Variants in MROH2A observed in about 807,000 individuals in gnomAD.
MROH2A encodes the protein maestro heat-like repeat-containing protein family member 2A.
In MROH2A, 174 loss-of-function variants were observed where a neutral mutation model predicts 200.4. That is an observed-to-expected ratio of 0.87 (90% CI 0.77 to 0.98). The LOEUF (loss-of-function observed/expected upper bound fraction) is 0.98, where lower values mean the gene tolerates loss of function less well. MROH2A is among the 50% of genes least tolerant of loss of function. The probability of loss-of-function intolerance (pLI) is 0.00; values close to 1 mark genes in which losing one functional copy is unlikely to be tolerated. For synonymous variants in MROH2A, 829 were observed against 840.4 expected, an observed-to-expected ratio of 0.99 and a Z score of 0.23; for missense variants, 2,045 against 2,139.6, an observed-to-expected ratio of 0.96 and a Z score of 0.87.
rs755468055 is a variant in MROH2A at position 233,811,982 on chromosome 2, C to T, written c.2651+23C>T. The T allele has an allele frequency of 5.1e-5, 77 of 1,500,012 alleles. 1 individual carries two copies. The South Asian group carries it at 8.6e-4, about 17-fold the overall frequency. The allele number at this position is 1,500,012 out of a possible 1,614,324, so 92.9% of individuals were successfully genotyped here. A position where few individuals can be genotyped will look rare whatever the true frequency, so the allele number is the denominator to read the frequency against. On this transcript the variant is annotated intron_variant, in intron 24 of 41. Transcript: ENST00000389758. ...GAGGTGAGCTGGGTTCCCACCCTCA[C>T]CCCATCCCAAGGGGTAGGGAAAAGT...
intron 3 of MROH2A, among the ~76,000 whole-genome samples, chr2:233,787,304 C>T (rs1701251186): frequency 6.6e-6 from 1 of 151,162 alleles, no homozygotes. Context: ...AAATCTAGAG[C>T]TTGCATTCTC....
intron 31 of MROH2A, among the ~76,000 whole-genome samples, chr2:233,821,379 T>TGCCCCCAG (rs71398802): frequency 0.24 from 36,882 of 151,794 alleles, 4,552 homozygotes; most frequent in Middle Eastern, 0.32. Context: ...CATTTACTCC[T>TGCCCCCAG]GCCCCCAGGC....
At chr2:233,809,544 T>G (rs540523107) in intron 22 of MROH2A, among the ~76,000 whole-genome samples, 1 of 152,218 alleles carries the variant, frequency 6.6e-6, no homozygotes, top group African/African-American at 2.4e-5. Flanking sequence ...GCCCCACCTC[T>G]TCCCAGCCTT....
chr2:233,832,164 T>A lies in MROH2A; in HGVS notation c.4735-13T>A. The A allele has an allele frequency of 1.3e-6, 2 of 1,548,278 alleles. No homozygotes were observed. Among genetic ancestry groups the A allele is most frequent in the Non-Finnish European group, 1.7e-6 (2 of 1,144,984 alleles). On this transcript the variant is annotated splice_polypyrimidine_tract_variant and intron_variant, in intron 39 of 41. Transcript: ENST00000389758. ...CATCCTCCAAAGCTGTGTGTATCAC[T>A]TACTTTTTGCAGACTCGGAAAAAGC...
chr2:233,776,738 G>T (rs1193268191), upstream of MROH2A, among the ~76,000 whole-genome samples: 1 of 151,984 alleles, frequency 6.6e-6, no homozygotes, highest in Non-Finnish European at 1.5e-5. Flanking sequence ...CACTCCTCCT[G>T]ATTGCCATAT....
At chr2:233,832,405 T>C (rs1574629294) in intron 40 of MROH2A, 126 bp downstream of exon 40, 1 of 975,564 alleles carries the variant, frequency 1.0e-6, no homozygotes, top group Non-Finnish European at 1.6e-6. Context: ...AGCTCAGGTC[T>C]AAGCCCTGCA....
At chr2:233,787,648 C>T (rs1319192350) in intron 3 of MROH2A, among the ~76,000 whole-genome samples, 3 of 31,020 alleles carry the variant, frequency 9.7e-5, no homozygotes, top group South Asian at 1.3e-3. Flanking sequence ...TTATATATAT[C>T]ATATATACAT....
In MROH2A at chr2:233,832,387, G is replaced by A. The variant is rs1208883874; in HGVS notation, c.4837+108G>A. 11 of 1,044,752 alleles carry A rather than the reference G, an allele frequency of 1.1e-5. No homozygotes were observed. The Admixed American group carries it at 1.2e-4, about 12-fold the overall frequency. 64.7% of individuals were successfully genotyped at this position (1,044,752 alleles called of 1,614,324 possible). ...ATGAGTGGGAGGCATGTGGCAAGCT[G>A]AGACCAGAGCTCAGGTCTAAGCCCT... On this transcript the variant is annotated intron_variant, in intron 40 of 41. Coordinates refer to ENST00000389758, the MANE Select transcript of MROH2A (RefSeq NM_001394639.1).
intron 3 of MROH2A, among the ~76,000 whole-genome samples, chr2:233,785,775 G>A (rs1023775313): frequency 2.0e-5 from 3 of 152,140 alleles, no homozygotes; most frequent in Non-Finnish European, 2.9e-5. Context: ...CAGAGTGTGA[G>A]AGCCCAATAA....
At chr2:233,804,927 G>A (rs1166898549) in intron 18 of MROH2A, 77 bp from the exon 19 acceptor site, 2 of 787,786 alleles carry the variant, frequency 2.5e-6, no homozygotes, top group Non-Finnish European at 4.2e-6. Context: ...TCAAGGTCCC[G>A]TAGCATTCCC....
At position 233,818,857 on chromosome 2, in the gene MROH2A, C is replaced by T. The variant is rs907352574; in HGVS notation, c.3204+87C>T. The T allele has an allele frequency of 7.0e-5, 56 of 803,922 alleles. No individual in the cohort carries two copies. In the African/African-American group the frequency reaches 9.3e-4, roughly 13 times the overall value. The allele number at this position is 803,922 out of a possible 1,614,324, so 49.8% of individuals were successfully genotyped here. A position where few individuals can be genotyped will look rare whatever the true frequency, so the allele number is the denominator to read the frequency against. On this transcript the variant is annotated intron_variant, in intron 29 of 41. Transcript: ENST00000389758. ...AGGGAGGGAGGCCTTCCTGGGCTGG[C>T]CTCACAGCCCAAGTTTTCTGGGGTC...
At chr2:233,781,267 G>A (rs1700943457) in intron 3 of MROH2A, among the ~76,000 whole-genome samples, 1 of 152,140 alleles carries the variant, frequency 6.6e-6, no homozygotes, top group African/African-American at 2.4e-5. Flanking sequence ...TAGAATTGCT[G>A]GATCATACGG....
chr2:233,828,944 C>T lies in MROH2A; in HGVS notation c.4318C>T (p.Pro1440Ser), dbSNP rs1704521518. The change falls in exon 37 of 42, where the codon CCC becomes TCC. Residue 1440 changes from proline (P) to serine (S), a missense_variant. Around this residue, in one of 3 missense-constraint regions of MROH2A, gnomAD observed 1,201 missense variants for 1,311.3 expected, o/e 0.92. Transcript: ENST00000389758. The surrounding 1 kb of genome is among the most constrained non-coding windows in gnomAD (Gnocchi z 4.6). ...LEKCLGPLRE[P>S]VSNSVTAEGM... ...GAAGTGCCTGGGCCCCCTGAGGGAG[C>T]CCGTGAGCAACAGCGTGACTGCCGA... is the stretch of plus-strand genomic sequence containing the variant. 5 of 1,550,518 alleles carry T rather than the reference C, an allele frequency of 3.2e-6. No individual in the cohort carries two copies. The highest frequency in any genetic ancestry group is 4.4e-6 in the Non-Finnish European group (5 of 1,146,986).
chr2:233,794,418 A>G lies in MROH2A; in HGVS notation c.878A>G (p.Asn293Ser), dbSNP rs574452730. 16 of 1,548,610 alleles carry G rather than the reference A, an allele frequency of 1.0e-5. No individual in the cohort carries two copies. In the African/African-American group the frequency reaches 1.4e-4, roughly 13 times the overall value. ...LKPMLGLLLPNDDLREQVYDY... is the reference protein window; with the variant it reads ...LKPMLGLLLPSDDLREQVYDY... ...CCCATGCTCGGCCTCCTTCTGCCCA[A>G]CGATGACCTGCGGGAGCAGGTCTAC... The change falls in exon 8 of 42, where the codon AAC (asparagine) becomes AGC (serine). Residue 293 changes from asparagine (N) to serine (S), a missense_variant. Physicochemically the swap from Asn to Ser is conservative, Grantham distance 46 (BLOSUM62 1). Transcript: ENST00000389758.
At chr2:233,789,659 C>G (rs1330342428) in intron 4 of MROH2A, 31 bp downstream of exon 4, 1 of 1,448,140 alleles carries the variant, frequency 6.9e-7, no homozygotes, top group African/African-American at 1.4e-5. Context: ...GGTGCCTTCC[C>G]TCTGCCAGCC....
chr2:233,781,593 A>G (rs1472694760), intron 3 of MROH2A, among the ~76,000 whole-genome samples: 1 of 151,846 alleles, frequency 6.6e-6, no homozygotes, highest in Non-Finnish European at 1.5e-5. Context: ...TTTTTTTGCT[A>G]TTGAGTTGTT....
Position 233,822,488 on chromosome 2 carries a change from C to A in MROH2A, c.3798C>A (p.Ala1266=). The change falls in exon 33 of 42, where the codon GCC becomes GCA. Residue 1266 remains alanine (A), a synonymous_variant. Coordinates refer to ENST00000389758, the MANE Select transcript of MROH2A (RefSeq NM_001394639.1). ...QLGSSHRPEA[A]PPVLKMWKLV... is the part of the protein sequence containing the mutation. ...GAAGCAGCCACCGACCAGAGGCCGC[C>A]CCGCCGGTCTTGAAGATGTGGAAGC... 1 of 1,550,696 alleles carries A rather than the reference C, an allele frequency of 6.4e-7. No homozygotes were observed. Among genetic ancestry groups the A allele is most frequent in the African/African-American group, 1.4e-5 (1 of 73,182 alleles).
Position 233,828,316 on chromosome 2 carries a change from T to G in MROH2A, c.4114-314T>G, listed in dbSNP as rs1278696816. Among the ~76,000 whole-genome samples, 2 of 152,206 alleles carry G rather than the reference T, an allele frequency of 1.3e-5. No individual in the cohort carries two copies. The highest frequency in any genetic ancestry group is 4.8e-5 in the African/African-American group (2 of 41,458). ...ATTCATGTTTTTTGTGCCTTTCTGTTCAGATGCAGGTGGGCGTGGCTCTTG... is the reference window on the plus strand; with the variant it reads ...ATTCATGTTTTTTGTGCCTTTCTGTGCAGATGCAGGTGGGCGTGGCTCTTG... On this transcript the variant is annotated intron_variant, in intron 35 of 41. Transcript: ENST00000389758. The surrounding 1 kb of genome is among the most constrained non-coding windows in gnomAD (Gnocchi z 4.6).
intron 29 of MROH2A, among the ~76,000 whole-genome samples, 184 bp downstream of exon 29, chr2:233,818,954 C>G (rs953210861): frequency 6.6e-5 from 10 of 152,254 alleles, no homozygotes; most frequent in Admixed American, 4.6e-4. Flanking sequence ...CATGTCCCTA[C>G]TTTGTCTCTG....
Sources: gnomAD v4.1 joint callset for allele counts (sites outside exome capture counted in the v4.1 genomes callset) on GRCh38, gnomAD v4.1.1 for gene constraint, gnomAD v4.1.1 regional missense constraint, Gnocchi (gnomAD v3.1) non-coding constraint, MANE v1.5 for transcripts, NCBI Gene and HGNC (gene_info 2026-07-23, HGNC 2026-07-21) for gene names.